Variants in ATRNL1 observed in about 807,000 individuals in gnomAD.
The protein encoded by ATRNL1 is attractin-like protein 1.
A neutral mutation model predicts 182.7 loss-of-function variants in ATRNL1; 95 were observed. The observed-to-expected ratio is 0.52, with a 90% confidence interval of 0.44 to 0.62. The LOEUF is 0.62. Ranked by LOEUF, ATRNL1 falls within the 20% of genes least tolerant of loss-of-function variation. The pLI is 0.00. For synonymous variants in ATRNL1, 576 were observed against 568.3 expected (o/e 1.01, Z -0.19); for missense variants, 1,471 against 1,679.5 (o/e 0.88, Z 2.17).
intron 22 of ATRNL1, among the ~76,000 whole-genome samples, chr10:115,462,685 C>A (rs1450075289): frequency 6.6e-6 from 1 of 152,014 alleles, no homozygotes; most frequent in Non-Finnish European, 1.5e-5. Context: ...TCCTTTATAC[C>A]ATTCCACAGT....
chr10:115,702,177 C>T (rs1555051705), intron 26 of ATRNL1, among the ~76,000 whole-genome samples: 1 of 151,796 alleles, frequency 6.6e-6, no homozygotes, highest in Non-Finnish European at 1.5e-5. Context: ...AGTTTATGAT[C>T]ATCTCAATAG....
chr10:115,230,055 T>C (rs558710409), intron 9 of ATRNL1, among the ~76,000 whole-genome samples: 4 of 152,306 alleles, frequency 2.6e-5, no homozygotes, highest in African/African-American at 9.6e-5. Context: ...TGCATGTTTT[T>C]ACCCTCCATA....
intron 9 of ATRNL1, among the ~76,000 whole-genome samples, chr10:115,224,690 A>T (rs1289479452): frequency 6.6e-6 from 1 of 151,692 alleles, no homozygotes; most frequent in Non-Finnish European, 1.5e-5. Context: ...TAGTAAGAAC[A>T]TATGATAAGC....
intron 26 of ATRNL1, among the ~76,000 whole-genome samples, chr10:115,713,464 T>TGTGTTTGTGTGTGTATGC (rs1164512266): frequency 1.3e-5 from 2 of 151,714 alleles, no homozygotes; most frequent in Non-Finnish European, 2.9e-5. Flanking sequence ...TGTGTGTGTG[T>TGTGTTTGTGTGTGTATGC]GTTTGTGTGT....
At chr10:115,551,002 G>A (rs1852955943) in intron 26 of ATRNL1, among the ~76,000 whole-genome samples, 1 of 151,696 alleles carries the variant, frequency 6.6e-6, no homozygotes, top group South Asian at 2.1e-4. Context: ...CAATTTGTAA[G>A]TAAAAAATAT....
chr10:115,621,739 T>A (rs1555023005), intron 26 of ATRNL1, among the ~76,000 whole-genome samples: 1 of 152,214 alleles, frequency 6.6e-6, no homozygotes, highest in African/African-American at 2.4e-5. Context: ...CCATTCCATT[T>A]CTTATTAATC....
chr10:115,455,249 A>T (rs1369979198), intron 21 of ATRNL1, among the ~76,000 whole-genome samples: 1 of 152,112 alleles, frequency 6.6e-6, no homozygotes, highest in Non-Finnish European at 1.5e-5. Flanking sequence ...CTACTTGATC[A>T]TGGGGTGTGG....
intron 5 of ATRNL1, among the ~76,000 whole-genome samples, chr10:115,140,660 C>T (rs1199207960): frequency 6.6e-6 from 1 of 152,026 alleles, no homozygotes; most frequent in African/African-American, 2.4e-5. Context: ...TCCTATTGCT[C>T]GATTCTTTTA....
At chr10:115,228,812 C>A (rs553739201) in intron 9 of ATRNL1, among the ~76,000 whole-genome samples, 55 of 144,884 alleles carry the variant, frequency 3.8e-4, no homozygotes, top group African/African-American at 1.4e-3. Flanking sequence ...GTTTCCCAGG[C>A]TAGAGTGCAG....
chr10:115,324,654 C>T (rs565664204), intron 18 of ATRNL1, among the ~76,000 whole-genome samples: 1 of 152,234 alleles, frequency 6.6e-6, no homozygotes, highest in Admixed American at 6.5e-5. Context: ...AAACATATCC[C>T]AGGGGACTTA....
At chr10:115,523,611 C>T (rs1554985816) in intron 25 of ATRNL1, among the ~76,000 whole-genome samples, 1 of 152,192 alleles carries the variant, frequency 6.6e-6, no homozygotes, top group African/African-American at 2.4e-5. Flanking sequence ...TTGTCATGGA[C>T]ACAATGTAGC....
Position 115,860,983 on chromosome 10 carries a change from A to G in ATRNL1, c.4018+12992A>G, listed in dbSNP as rs181682847. Among the ~76,000 whole-genome samples, 517 of 152,282 alleles carry G rather than the reference A, an allele frequency of 3.4e-3. 5 individuals are homozygous for G. Among genetic ancestry groups the G allele is most frequent in the African/African-American group, 0.012 (490 of 41,558 alleles). ...AAGAGCCTGGCTCCTAGCCTGAGTC[A>G]TCTGGTGACTCTCAGAATGCTCTTC... On this transcript the variant is annotated intron_variant, in intron 28 of 28. Coordinates refer to ENST00000355044, the MANE Select transcript of ATRNL1 (RefSeq NM_207303.4).
At chr10:115,394,573 A>C in intron 19 of ATRNL1, 86 bp from the exon 20 acceptor site, 1 of 1,050,268 alleles carries the variant, frequency 9.5e-7, no homozygotes, top group Admixed American at 1.8e-5. Context: ...CAGGACATAA[A>C]AATAAGGTAA....
At chr10:115,897,916 C>T (rs547618429) in intron 28 of ATRNL1, among the ~76,000 whole-genome samples, 1 of 151,718 alleles carries the variant, frequency 6.6e-6, no homozygotes, top group East Asian at 1.9e-4. Context: ...AATATATTCT[C>T]GTATAGGTCA....
chr10:115,244,354 A>G (rs1554903597), intron 10 of ATRNL1, among the ~76,000 whole-genome samples: 1 of 152,108 alleles, frequency 6.6e-6, no homozygotes, highest in Non-Finnish European at 1.5e-5. Flanking sequence ...CACAGTTCCC[A>G]TTCTATTATT....
At chr10:115,819,220 A>G (rs567777084) in intron 27 of ATRNL1, among the ~76,000 whole-genome samples, 3 of 133,666 alleles carry the variant, frequency 2.2e-5, no homozygotes, top group Non-Finnish European at 5.0e-5. Flanking sequence ...CTTGCTAGAC[A>G]TCTCCCCTTT....
chr10:115,825,782 A>G (rs1310311134), intron 27 of ATRNL1, among the ~76,000 whole-genome samples: 3 of 152,154 alleles, frequency 2.0e-5, no homozygotes, highest in African/African-American at 7.2e-5. Flanking sequence ...CTCCTGGAAG[A>G]TTCCTGGCTC....
chr10:115,518,347 C>G, intron 24 of ATRNL1, among the ~76,000 whole-genome samples: 1 of 151,780 alleles, frequency 6.6e-6, no homozygotes, highest in South Asian at 2.1e-4. Context: ...GTTTTTGCAA[C>G]ATTTTCATAA....
intron 9 of ATRNL1, among the ~76,000 whole-genome samples, chr10:115,228,797 C>A (rs182652766): frequency 7.2e-6 from 1 of 139,198 alleles, no homozygotes; most frequent in East Asian, 2.1e-4. Flanking sequence ...TGAAGTTTCG[C>A]TCTTGTTTCC....
Sources: allele counts gnomAD v4.1 joint callset (sites outside exome capture counted in the v4.1 genomes callset), GRCh38; gene constraint gnomAD v4.1.1; transcripts MANE v1.5; gene names NCBI Gene and HGNC (gene_info 2026-07-23, HGNC 2026-07-21).